Variants in EEFSEC observed in about 807,000 individuals in gnomAD.
EEFSEC encodes selenocysteine-specific elongation factor.
In EEFSEC, 43 loss-of-function variants were observed where a neutral mutation model predicts 42.1. The ratio of observed to expected loss-of-function variants is 1.02; its 90% CI spans 0.80 to 1.32. The LOEUF (loss-of-function observed/expected upper bound fraction) is 1.32. EEFSEC is among the 40% of genes most tolerant of loss of function. The pLI, the probability that EEFSEC is intolerant of heterozygous loss-of-function variation, is 0.00. For missense variants in EEFSEC, 745 were observed against 803.6 expected (o/e 0.93, Z 0.88); for synonymous variants, 354 against 339.1 (o/e 1.04, Z -0.48).
chr3:128,219,922 T>C (rs141518793), intron 1 of EEFSEC, among the ~76,000 whole-genome samples: 60 of 152,294 alleles, frequency 3.9e-4, no homozygotes, highest in African/African-American at 1.4e-3. Context: ...GTCCAAGGAA[T>C]ACAGTATTGT....
chr3:128,165,009 G>A (rs907028540), intron 1 of EEFSEC, among the ~76,000 whole-genome samples: 6 of 152,222 alleles, frequency 3.9e-5, no homozygotes, highest in African/African-American at 1.4e-4. Context: ...CTCTGGGGTT[G>A]CAGACATGGC....
chr3:128,247,043 A>C lies in EEFSEC; in HGVS notation c.524A>C (p.Lys175Thr). 6.2e-7 allele frequency: 1 copy of C among 1,613,870 alleles called. No homozygotes were observed. The change falls in exon 2 of 7, where the codon AAG (lysine) becomes ACG (threonine). Residue 175 changes from lysine (K) to threonine (T), a missense_variant and splice_region_variant. Coordinates refer to ENST00000254730, the MANE Select transcript of EEFSEC (RefSeq NM_021937.5). Reference sequence around the variant, plus strand: ...ATGCAGAAGACCCTAGAGAACACCAAGTAGGTCTGCTAATGAGAGCAATGT... The same window carrying C: ...ATGCAGAAGACCCTAGAGAACACCACGTAGGTCTGCTAATGAGAGCAATGT... The part of the protein sequence containing the change: ...KKMQKTLENT[K>T]FRGAPIIPVA...
the EEFSEC span, among the ~76,000 whole-genome samples, chr3:128,425,035 A>T: frequency 6.6e-6 from 1 of 152,130 alleles, no homozygotes; most frequent in Non-Finnish European, 1.5e-5. Flanking sequence ...ACTGGTTTTT[A>T]AAATTGTTGT....
chr3:128,414,056 A>T, the EEFSEC span, among the ~76,000 whole-genome samples: 1 of 152,216 alleles, frequency 6.6e-6, no homozygotes, highest in Non-Finnish European at 1.5e-5. Flanking sequence ...GCCATCTGCC[A>T]TCACTTCCTC....
At chr3:128,295,823 T>C (rs538065767) in intron 4 of EEFSEC, among the ~76,000 whole-genome samples, 1 of 152,204 alleles carries the variant, frequency 6.6e-6, no homozygotes, top group African/African-American at 2.4e-5. Context: ...CAGGAAATTC[T>C]TGAACCTTCC....
chr3:128,194,761 A>T (rs957380704), intron 1 of EEFSEC, among the ~76,000 whole-genome samples: 1 of 152,236 alleles, frequency 6.6e-6, no homozygotes, highest in Non-Finnish European at 1.5e-5. Context: ...CAGGGCAAGG[A>T]ATTCTTTTTG....
chr3:128,295,226 T>G (rs910581178), intron 4 of EEFSEC, among the ~76,000 whole-genome samples: 3 of 152,208 alleles, frequency 2.0e-5, no homozygotes, highest in African/African-American at 7.2e-5. Flanking sequence ...CAGCCCTGCC[T>G]TTGGTGGTGT....
At chr3:128,309,999 A>G (rs1046504204) in intron 4 of EEFSEC, among the ~76,000 whole-genome samples, 26 of 152,352 alleles carry the variant, frequency 1.7e-4, no homozygotes, top group African/African-American at 6.3e-4. Context: ...ATCAAAAAGC[A>G]AAACAAAGGA....
intron 4 of EEFSEC, among the ~76,000 whole-genome samples, chr3:128,336,155 C>A (rs1388554408): frequency 1.3e-5 from 2 of 152,122 alleles, no homozygotes; most frequent in Non-Finnish European, 2.9e-5. Flanking sequence ...TGGCTCCTCC[C>A]TGCTCCCACC....
chr3:128,339,746 A>G (rs2067229473), intron 4 of EEFSEC, among the ~76,000 whole-genome samples: 1 of 152,184 alleles, frequency 6.6e-6, no homozygotes, highest in Admixed American at 6.5e-5. Flanking sequence ...TGATAAAGAC[A>G]TACCCAAGAC....
chr3:128,409,386 C>T (rs2068158106), downstream of EEFSEC, among the ~76,000 whole-genome samples: 1 of 149,420 alleles, frequency 6.7e-6, no homozygotes, highest in Non-Finnish European at 1.5e-5. Flanking sequence ...GTGTGTGTGT[C>T]CCGTGTGCAC....
intron 1 of EEFSEC, among the ~76,000 whole-genome samples, chr3:128,204,519 T>C (rs2065673004): frequency 6.6e-6 from 1 of 152,204 alleles, no homozygotes; most frequent in Admixed American, 6.5e-5. Flanking sequence ...GGTAGGGTTC[T>C]TTCAGAGTTT....
chr3:128,242,951 T>A (rs1389469948), intron 1 of EEFSEC, among the ~76,000 whole-genome samples: 3 of 152,148 alleles, frequency 2.0e-5, no homozygotes, highest in African/African-American at 4.8e-5. Flanking sequence ...GGAAGGACAC[T>A]GTTTGATTCA....
intron 4 of EEFSEC, among the ~76,000 whole-genome samples, chr3:128,267,144 G>A (rs534692937): frequency 2.0e-4 from 30 of 152,236 alleles, no homozygotes; most frequent in African/African-American, 7.0e-4. Flanking sequence ...AAAGGTTTTT[G>A]ATAAGAGTCA....
intron 1 of EEFSEC, among the ~76,000 whole-genome samples, chr3:128,162,100 A>G (rs570989044): frequency 6.6e-6 from 1 of 152,364 alleles, no homozygotes; most frequent in East Asian, 1.9e-4. Flanking sequence ...ATACTGAGGC[A>G]TATTTGAAGG....
chr3:128,271,738 G>A (rs1256490852), intron 4 of EEFSEC, among the ~76,000 whole-genome samples: 1 of 152,096 alleles, frequency 6.6e-6, no homozygotes, highest in Admixed American at 6.5e-5. Context: ...GGGCCCTGCA[G>A]GGCCGCTTCT....
chr3:128,182,560 A>G (rs1173940854), intron 1 of EEFSEC, among the ~76,000 whole-genome samples: 3 of 152,044 alleles, frequency 2.0e-5, no homozygotes, highest in African/African-American at 7.2e-5. Context: ...TTACTTTATA[A>G]TAGTTTCCCC....
intron 1 of EEFSEC, among the ~76,000 whole-genome samples, chr3:128,169,851 C>T (rs2687731): frequency 0.13 from 20,286 of 152,240 alleles, 1,559 homozygotes; most frequent in Admixed American, 0.2. Context: ...CACTCCTGGT[C>T]AGTGCTCCTT....
intron 5 of EEFSEC, among the ~76,000 whole-genome samples, chr3:128,352,515 T>C (rs1200894333): frequency 2.0e-5 from 3 of 152,252 alleles, no homozygotes; most frequent in Non-Finnish European, 4.4e-5. Flanking sequence ...CAGGCTTCTC[T>C]GTAGCCAATT....
Sources: allele counts gnomAD v4.1 joint callset (sites outside exome capture counted in the v4.1 genomes callset), GRCh38; gene constraint gnomAD v4.1.1; transcripts MANE v1.5; gene names NCBI Gene and HGNC (gene_info 2026-07-23, HGNC 2026-07-21).